Variants in AGBL1 observed in about 807,000 individuals in gnomAD.
AGBL1 encodes the protein AGBL carboxypeptidase 1.
In AGBL1, 130 loss-of-function variants were observed where a neutral mutation model predicts 118.9. That is an observed-to-expected ratio of 1.09 (90% CI 0.95 to 1.26). The LOEUF (loss-of-function observed/expected upper bound fraction) is 1.26, where lower values mean the gene tolerates loss of function less well. Among genes scored for constraint, AGBL1 ranks in the 50% most tolerant of loss-of-function variants. The probability of loss-of-function intolerance (pLI) is 0.00; values close to 1 mark genes in which losing one functional copy is unlikely to be tolerated. For synonymous variants in AGBL1, 555 were observed against 478.9 expected (o/e 1.16, Z -2.08); for missense variants, 1,584 against 1,298.1 (o/e 1.22, Z -3.38).
rs190098786 is a variant in AGBL1, at chr15:86,613,263, C to A, written c.2994+58726C>A. On this transcript the variant is annotated intron_variant, in intron 21 of 22. Transcript: ENST00000614907. The surrounding 1 kb of genome is among the most constrained non-coding windows in gnomAD (Gnocchi z 4.2). Reference sequence around the variant, plus strand: ...AGCGAGAGGTTTGTTGGTTTTGGAACGTAAGATCCCAAACCATTGGAGAAC... The same window carrying A: ...AGCGAGAGGTTTGTTGGTTTTGGAAAGTAAGATCCCAAACCATTGGAGAAC... Among the ~76,000 whole-genome samples, 2 of 152,230 alleles carry A rather than the reference C, an allele frequency of 1.3e-5. No individual in the cohort carries two copies. Among genetic ancestry groups the A allele is most frequent in the African/African-American group, 4.8e-5 (2 of 41,546 alleles).
chr15:86,332,440 A>G (rs145992705), intron 17 of AGBL1, among the ~76,000 whole-genome samples: 5,835 of 152,030 alleles, frequency 0.038, 157 homozygotes, highest in East Asian at 0.056. Context: ...AGGTCAGGAG[A>G]TCGAGACCAT....
chr15:86,997,530 A>G (rs909763375), intron 24 of AGBL1, among the ~76,000 whole-genome samples: 2 of 152,102 alleles, frequency 1.3e-5, no homozygotes, highest in African/African-American at 2.4e-5. Flanking sequence ...CAGACTTTGG[A>G]ATTTAGCAAC....
chr15:86,189,091 CA>C lies in AGBL1; in HGVS notation c.488+30066del, dbSNP rs376332488. Among the ~76,000 whole-genome samples the C allele has an allele frequency of 1.5e-3, 222 of 152,314 alleles. 3 individuals carry two copies. In the South Asian group the frequency reaches 0.044, roughly 30 times the overall value. On this transcript the variant is annotated intron_variant, in intron 5 of 22. Coordinates refer to ENST00000614907, the MANE Select transcript of AGBL1 (RefSeq NM_001386094.1). Reference sequence around the variant, plus strand: ...CAATGAAAAGGGCAACCAAATTAAACAGAACTTTCTCAATTTCCTTACTAAA... The same window carrying C: ...CAATGAAAAGGGCAACCAAATTAAACGAACTTTCTCAATTTCCTTACTAAA...
chr15:86,298,246 A>ATATATATATATATAT lies in AGBL1; in HGVS notation c.2374+2838_2374+2839insTATATATATATATAT, dbSNP rs1555462936. 1.0e-3 allele frequency among the ~76,000 whole-genome samples: 72 copies of ATATATATATATATAT among 69,800 alleles called. 4 individuals are homozygous for ATATATATATATATAT. The highest frequency in any genetic ancestry group is 4.5e-3 in the African/African-American group (69 of 15,346). The allele number at this position is 69,800 out of a possible 152,430, so 45.8% of individuals were successfully genotyped here. On this transcript the variant is annotated intron_variant, in intron 17 of 22. Coordinates refer to ENST00000614907, the MANE Select transcript of AGBL1 (RefSeq NM_001386094.1). ...GTATACAGGGTACGTGTCTGTGTAT[A>ATATATATATATATAT]ATATATATATATATATATATATATA...
chr15:86,882,540 T>C (rs2079910253), intron 22 of AGBL1, among the ~76,000 whole-genome samples: 1 of 152,186 alleles, frequency 6.6e-6, no homozygotes. Flanking sequence ...CTTCACTGTT[T>C]TTCATATAAA....
At chr15:87,002,114 C>T (rs1367054126) in intron 24 of AGBL1, among the ~76,000 whole-genome samples, 1 of 151,890 alleles carries the variant, frequency 6.6e-6, no homozygotes, top group Non-Finnish European at 1.5e-5. Flanking sequence ...GGTTTTAGGT[C>T]TAACATTTAA....
chr15:86,160,926 A>C (rs1309713397), intron 5 of AGBL1, among the ~76,000 whole-genome samples: 1 of 152,152 alleles, frequency 6.6e-6, no homozygotes, highest in Admixed American at 6.5e-5. Flanking sequence ...TTCCTCATTC[A>C]GGCCAAACTT....
chr15:86,954,656 G>A (rs1234300207), intron 23 of AGBL1, among the ~76,000 whole-genome samples: 1 of 152,082 alleles, frequency 6.6e-6, no homozygotes, highest in Non-Finnish European at 1.5e-5. Flanking sequence ...TAGAAGGGGG[G>A]AAAGAAGAGG....
exon 24 of AGBL1, chr15:86,988,087 C>T: frequency 6.2e-7 from 1 of 1,613,394 alleles, no homozygotes; most frequent in South Asian, 1.1e-5. Flanking sequence ...GCATGTCTCC[C>T]CGTGAGTATG....
At chr15:86,612,305 A>G (rs756496948) in intron 21 of AGBL1, among the ~76,000 whole-genome samples, 3 of 152,184 alleles carry the variant, frequency 2.0e-5, no homozygotes, top group Middle Eastern at 3.4e-3. Context: ...GCCTAAGGAT[A>G]ATTTTGAGCT....
chr15:86,889,768 A>G (rs577911537), intron 22 of AGBL1, among the ~76,000 whole-genome samples: 12 of 152,250 alleles, frequency 7.9e-5, no homozygotes, highest in African/African-American at 2.6e-4. Context: ...GTGTACGTGT[A>G]CCACATTTTC....
intron 22 of AGBL1, among the ~76,000 whole-genome samples, chr15:86,786,467 T>C (rs2078414529): frequency 6.6e-6 from 1 of 152,194 alleles, no homozygotes; most frequent in South Asian, 2.1e-4. Flanking sequence ...TTAGGGCATA[T>C]TTATGTATTA....
At chr15:86,823,500 G>A (rs1276257943) in intron 22 of AGBL1, among the ~76,000 whole-genome samples, 1 of 152,072 alleles carries the variant, frequency 6.6e-6, no homozygotes, top group African/African-American at 2.4e-5. Flanking sequence ...TTGCCTCCAG[G>A]CCAATAATCA....
intron 24 of AGBL1, among the ~76,000 whole-genome samples, chr15:87,027,950 G>A (rs28774368): frequency 0.046 from 6,930 of 151,880 alleles, 530 homozygotes; most frequent in African/African-American, 0.16. Context: ...TAATCCCTAG[G>A]TGATGGGATG....
chr15:86,794,310 A>G (rs2078539517), intron 22 of AGBL1, among the ~76,000 whole-genome samples: 1 of 152,200 alleles, frequency 6.6e-6, no homozygotes, highest in Admixed American at 6.5e-5. Context: ...ACATGGGTGA[A>G]CCTCAAAACC....
At chr15:86,763,557 G>A (rs939582555) in intron 22 of AGBL1, among the ~76,000 whole-genome samples, 18 of 151,912 alleles carry the variant, frequency 1.2e-4, no homozygotes, top group East Asian at 3.9e-4. Context: ...TGTGGTTCCC[G>A]ATTGCTTGTC....
chr15:86,428,457 C>T lies in AGBL1; in HGVS notation c.2555+30911C>T, dbSNP rs533916071. Reference sequence around the variant, plus strand: ...TCCCCCGTCTTTTTTTCTAAATACACGGACTTCTTTAACTTCCATAATCAG... The same window carrying T: ...TCCCCCGTCTTTTTTTCTAAATACATGGACTTCTTTAACTTCCATAATCAG... On this transcript the variant is annotated intron_variant, in intron 18 of 22. Coordinates refer to ENST00000614907, the MANE Select transcript of AGBL1 (RefSeq NM_001386094.1). Among the ~76,000 whole-genome samples the T allele has an allele frequency of 4.6e-5, 7 of 152,330 alleles. No individual in the cohort carries two copies. In the South Asian group the frequency reaches 1.0e-3, roughly 23 times the overall value.
chr15:86,175,556 T>C (rs2077471803), intron 5 of AGBL1, among the ~76,000 whole-genome samples: 1 of 152,140 alleles, frequency 6.6e-6, no homozygotes, highest in Non-Finnish European at 1.5e-5. Flanking sequence ...GTTTGGTTTG[T>C]TCTTGCTTTT....
chr15:86,512,437 T>C (rs1441529289), intron 18 of AGBL1, among the ~76,000 whole-genome samples: 1 of 149,658 alleles, frequency 6.7e-6, no homozygotes, highest in Non-Finnish European at 1.5e-5. Context: ...ATATTTTTAT[T>C]TAATACTTTG....
Sources: gnomAD v4.1 joint callset for allele counts (sites outside exome capture counted in the v4.1 genomes callset) on GRCh38, gnomAD v4.1.1 for gene constraint, Gnocchi (gnomAD v3.1) non-coding constraint, MANE v1.5 for transcripts, NCBI Gene and HGNC (gene_info 2026-07-23, HGNC 2026-07-21) for gene names.